Variants in STXBP5L observed in about 807,000 individuals in gnomAD.
STXBP5L encodes the protein syntaxin-binding protein 5-like.
Under a neutral mutation model 144.5 loss-of-function variants are expected in STXBP5L, and 65 were observed. The ratio of observed to expected loss-of-function variants is 0.45; its 90% CI spans 0.37 to 0.55. The LOEUF is 0.55. STXBP5L is among the 20% of genes least tolerant of loss of function. The pLI is 0.00. For synonymous variants in STXBP5L, 505 were observed against 469.6 expected, an observed-to-expected ratio of 1.08 and a Z score of -0.97; for missense variants, 1,298 against 1,405.5, an observed-to-expected ratio of 0.92 and a Z score of 1.22.
chr3:121,235,489 A>G (rs61059986), intron 12 of STXBP5L, among the ~76,000 whole-genome samples: 2,911 of 152,108 alleles, frequency 0.019, 100 homozygotes, highest in African/African-American at 0.067. Context: ...TACTAAAACA[A>G]TTTTTCTCAA....
intron 5 of STXBP5L, among the ~76,000 whole-genome samples, chr3:121,082,600 C>T (rs930969910): frequency 6.6e-6 from 1 of 152,164 alleles, no homozygotes; most frequent in Non-Finnish European, 1.5e-5. Flanking sequence ...AATTTTATCT[C>T]TGAATCCATG....
intron 2 of STXBP5L, among the ~76,000 whole-genome samples, chr3:120,947,860 A>G (rs1430296548): frequency 6.6e-6 from 1 of 151,816 alleles, no homozygotes; most frequent in Non-Finnish European, 1.5e-5. Flanking sequence ...TCATCAGTCG[A>G]TGGACATTTG....
At chr3:121,012,032 C>T (rs934532923) in intron 3 of STXBP5L, among the ~76,000 whole-genome samples, 1 of 151,660 alleles carries the variant, frequency 6.6e-6, no homozygotes, top group African/African-American at 2.4e-5. Flanking sequence ...ATATAGATTT[C>T]CTTATTGTGG....
At chr3:121,406,860 T>C (rs2047004139) in intron 22 of STXBP5L, among the ~76,000 whole-genome samples, 1 of 152,050 alleles carries the variant, frequency 6.6e-6, no homozygotes, top group Non-Finnish European at 1.5e-5. Flanking sequence ...TTTTCTTTTT[T>C]ATAAAAGGAC....
intron 21 of STXBP5L, among the ~76,000 whole-genome samples, chr3:121,380,843 C>T (rs761287837): frequency 1.3e-5 from 2 of 152,078 alleles, no homozygotes; most frequent in Non-Finnish European, 2.9e-5. Flanking sequence ...TCCTGATAAG[C>T]CCTTTCATGC....
intron 2 of STXBP5L, among the ~76,000 whole-genome samples, chr3:120,920,461 A>G (rs1167961684): frequency 6.6e-6 from 1 of 151,784 alleles, no homozygotes; most frequent in African/African-American, 2.4e-5. Context: ...TAATTGGGAT[A>G]TACGTCACCT....
At position 120,945,768 on chromosome 3, in the gene STXBP5L, G is replaced by A. The variant is rs150479389; in HGVS notation, c.190-9172G>A. Reference sequence around the variant, plus strand: ...CCAGAGTTGGCATCAGTTCATTGGTGGAAACGCTATTACTGGGCAAGTGTT... The same window carrying A: ...CCAGAGTTGGCATCAGTTCATTGGTAGAAACGCTATTACTGGGCAAGTGTT... On this transcript the variant is annotated intron_variant, in intron 2 of 26. Transcript: ENST00000471454. Among the ~76,000 whole-genome samples, 434 of 151,776 alleles carry A rather than the reference G, an allele frequency of 2.9e-3. 2 individuals are homozygous for A. Among genetic ancestry groups the A allele is most frequent in the Non-Finnish European group, 1.3e-3 (86 of 67,804 alleles).
intron 3 of STXBP5L, among the ~76,000 whole-genome samples, chr3:120,997,195 T>C (rs1943420865): frequency 6.6e-6 from 1 of 152,210 alleles, no homozygotes; most frequent in African/African-American, 2.4e-5. Context: ...TCACCACTGA[T>C]AGACATTTAG....
At chr3:121,156,589 T>A (rs976632504) in intron 8 of STXBP5L, among the ~76,000 whole-genome samples, 1 of 151,954 alleles carries the variant, frequency 6.6e-6, no homozygotes, top group Non-Finnish European at 1.5e-5. Context: ...GAGTACTTAC[T>A]TTATGCTGGT....
intron 3 of STXBP5L, among the ~76,000 whole-genome samples, chr3:121,009,083 C>T (rs191692165): frequency 5.9e-5 from 9 of 151,918 alleles, no homozygotes; most frequent in Non-Finnish European, 1.0e-4. Flanking sequence ...TGGTTCCATG[C>T]GTAGCCTCCA....
intron 3 of STXBP5L, among the ~76,000 whole-genome samples, chr3:120,981,681 T>A (rs903109910): frequency 2.0e-5 from 3 of 152,244 alleles, no homozygotes; most frequent in African/African-American, 7.2e-5. Flanking sequence ...TCTTTGAATT[T>A]TCATTTTGAA....
intron 2 of STXBP5L, among the ~76,000 whole-genome samples, chr3:120,941,741 G>A (rs1043290093): frequency 2.6e-5 from 4 of 151,524 alleles, no homozygotes; most frequent in South Asian, 4.2e-4. Context: ...ATATTTAATC[G>A]TGGCACTAGG....
intron 9 of STXBP5L, among the ~76,000 whole-genome samples, chr3:121,198,665 G>C (rs1051285614): frequency 6.6e-6 from 1 of 152,098 alleles, no homozygotes; most frequent in Non-Finnish European, 1.5e-5. Context: ...TTTTGTATAA[G>C]GTGTAAGGAG....
rs536233037 is a variant in STXBP5L, at chr3:121,386,247, A to T, written c.2587+4715A>T. Among the ~76,000 whole-genome samples, 3 of 152,106 alleles carry T rather than the reference A, an allele frequency of 2.0e-5. No homozygotes were observed. The South Asian group carries it at 6.2e-4, about 32-fold the overall frequency. ...TTTAGCACCTTTTGGAGTTACCAGTATCTCTTATTCTATTTCATATGTTCA... is the reference window on the plus strand; with the variant it reads ...TTTAGCACCTTTTGGAGTTACCAGTTTCTCTTATTCTATTTCATATGTTCA... On this transcript the variant is annotated intron_variant, in intron 22 of 26. Transcript: ENST00000471454.
chr3:121,019,770 C>G (rs575073427), intron 3 of STXBP5L, among the ~76,000 whole-genome samples: 78 of 152,298 alleles, frequency 5.1e-4, no homozygotes, highest in Admixed American at 9.8e-4. Flanking sequence ...AGAATCTGAA[C>G]AGCAGCCCTT....
intron 3 of STXBP5L, among the ~76,000 whole-genome samples, chr3:121,004,689 G>C (rs544292482): frequency 1.8e-4 from 27 of 152,212 alleles, no homozygotes; most frequent in African/African-American, 6.5e-4. Flanking sequence ...CTGTGGGTTT[G>C]TCATAGATAG....
chr3:120,909,373 C>CTT (rs1010370009), intron 1 of STXBP5L, among the ~76,000 whole-genome samples, 198 bp from the exon 2 acceptor site: 22 of 152,044 alleles, frequency 1.4e-4, no homozygotes, highest in African/African-American at 5.3e-4. Flanking sequence ...TTATATTTAT[C>CTT]TTTTTTTAAA....
chr3:121,366,580 A>G lies in STXBP5L; in HGVS notation c.2177-12136A>G, dbSNP rs1473116866. Among the ~76,000 whole-genome samples, 4 of 152,128 alleles carry G rather than the reference A, an allele frequency of 2.6e-5. No individual in the cohort carries two copies. The East Asian group carries it at 7.7e-4, about 29-fold the overall frequency. On this transcript the variant is annotated intron_variant, in intron 20 of 26. Transcript: ENST00000471454. ...GCTACCCCACTCTGTTTTGGATACCATTTGCATGGAATCTCTTTCTCCATC... is the reference window on the plus strand; with the variant it reads ...GCTACCCCACTCTGTTTTGGATACCGTTTGCATGGAATCTCTTTCTCCATC...
intron 10 of STXBP5L, among the ~76,000 whole-genome samples, chr3:121,213,422 T>C (rs1466012287): frequency 6.6e-6 from 1 of 152,072 alleles, no homozygotes; most frequent in Non-Finnish European, 1.5e-5. Flanking sequence ...CATGAAGGGG[T>C]GTTGAATTTT....
Sources: gnomAD v4.1 joint callset for allele counts (sites outside exome capture counted in the v4.1 genomes callset) on GRCh38, gnomAD v4.1.1 for gene constraint, MANE v1.5 for transcripts, NCBI Gene and HGNC (gene_info 2026-07-23, HGNC 2026-07-21) for gene names.